Variants in FAM216A observed in about 807,000 individuals in gnomAD.
FAM216A encodes protein FAM216A.
In FAM216A, 26 loss-of-function variants were observed where a neutral mutation model predicts 37.6. The observed-to-expected ratio is 0.69, with a 90% CI of 0.51 to 0.96. The LOEUF (loss-of-function observed/expected upper bound fraction) is 0.96, where lower values mean the gene tolerates loss of function less well. FAM216A is among the 40% of genes least tolerant of loss of function. The probability of loss-of-function intolerance (pLI) is 0.00; values close to 1 mark genes in which losing one functional copy is unlikely to be tolerated. For missense variants in FAM216A, 326 were observed against 339.3 expected (o/e 0.96, Z 0.31); for synonymous variants, 110 against 121.7 (o/e 0.90, Z 0.64).
chr12:110,471,391 T>G (rs780295675), intron 1 of FAM216A, among the ~76,000 whole-genome samples: 3 of 152,148 alleles, frequency 2.0e-5, no homozygotes, highest in Non-Finnish European at 4.4e-5. Context: ...CCCAGCACTT[T>G]TTTTCTTTAA....
upstream of FAM216A, chr12:110,468,462 G>T: frequency 6.5e-7 from 1 of 1,537,028 alleles, no homozygotes; most frequent in Non-Finnish European, 8.7e-7. Flanking sequence ...TGCTGTCTAA[G>T]CTTGGATACC....
intron 3 of FAM216A, 75 bp from the exon 4 acceptor site, chr12:110,486,250 A>C: frequency 1.4e-6 from 2 of 1,422,378 alleles, no homozygotes; most frequent in East Asian, 4.6e-5. Flanking sequence ...TTGAACATTC[A>C]TCTCTTCAGA....
chr12:110,488,392 C>G (rs1477443399), intron 6 of FAM216A, among the ~76,000 whole-genome samples: 1 of 123,934 alleles, frequency 8.1e-6, no homozygotes, highest in East Asian at 2.3e-4. Context: ...GCCTGGGTGA[C>G]AGAGTGAGAC....
At chr12:110,484,220 G>C (rs1247601750) in intron 2 of FAM216A, among the ~76,000 whole-genome samples, 1 of 151,986 alleles carries the variant, frequency 6.6e-6, no homozygotes, top group Non-Finnish European at 1.5e-5. Context: ...GAGGTCAGGA[G>C]ATCGAGACCA....
chr12:110,479,243 A>G (rs377240056), intron 2 of FAM216A, among the ~76,000 whole-genome samples: 2 of 152,160 alleles, frequency 1.3e-5, no homozygotes, highest in East Asian at 3.9e-4. Context: ...GTGCTTATTT[A>G]TAATATACTT....
Position 110,468,922 on chromosome 12 carries a change from C to G in FAM216A, c.47C>G (p.Ala16Gly), listed in dbSNP as rs1328058613. ...LPHTARGLGA[A>G]EMPGQGPGSD... Reference sequence around the variant, plus strand: ...CACACGGCTCGCGGTCTCGGCGCCGCGGAGATGCCCGGCCAGGGTCCGGGG... The same window carrying G: ...CACACGGCTCGCGGTCTCGGCGCCGGGGAGATGCCCGGCCAGGGTCCGGGG... The change falls in exon 1 of 7, where the codon GCG becomes GGG. Residue 16 changes from alanine to glycine, a missense_variant. By Grantham distance (60) the Ala-to-Gly change is moderately conservative (BLOSUM62 0). Transcript: ENST00000377673. 2 of 1,522,994 alleles carry G rather than the reference C, an allele frequency of 1.3e-6. No individual in the cohort carries two copies. The highest frequency in any genetic ancestry group is 4.0e-5 in the Admixed American group (2 of 50,140). 94.3% of individuals were successfully genotyped at this position (1,522,994 alleles called of 1,614,324 possible).
chr12:110,473,736 T>C (rs1360557862), intron 2 of FAM216A, among the ~76,000 whole-genome samples: 2 of 152,120 alleles, frequency 1.3e-5, no homozygotes, highest in Admixed American at 1.3e-4. Flanking sequence ...AAGAAAAAAA[T>C]TCTAAATTGA....
chr12:110,488,410 C>CAAAA (rs572459416), intron 6 of FAM216A, among the ~76,000 whole-genome samples: 2 of 51,002 alleles, frequency 3.9e-5, no homozygotes, highest in Admixed American at 2.1e-4. Context: ...GACTCCATCT[C>CAAAA]AAAAAAAAAA....
In FAM216A at chr12:110,486,338, C is replaced by T; in HGVS notation, c.320C>T (p.Thr107Ile). ...TCTGTCTTTTAGCATCCAGACCTCA[C>T]CACAGGCCAGAAGCGTTACCTGTGC... ...EASFFKHPDL[T>I]TGQKRYLCSI... is the part of the protein sequence containing the mutation. The change falls in exon 4 of 7, where the codon ACC becomes ATC. Residue 107 changes from threonine to isoleucine, a missense_variant. Thr to Ile is a moderately conservative substitution (Grantham distance 89, BLOSUM62 -1). Transcript: ENST00000377673. The T allele has an allele frequency of 6.2e-7, 1 of 1,610,400 alleles. No homozygotes were observed.
chr12:110,481,355 TTTTTC>T (rs1314329573), intron 2 of FAM216A, among the ~76,000 whole-genome samples: 6 of 152,316 alleles, frequency 3.9e-5, no homozygotes, highest in Admixed American at 6.5e-5. Flanking sequence ...ACTATTTTTC[TTTTTC>T]TTTTGAGTCA....
intron 2 of FAM216A, among the ~76,000 whole-genome samples, chr12:110,480,547 C>T (rs2062741635): frequency 6.6e-6 from 1 of 151,424 alleles, no homozygotes; most frequent in African/African-American, 2.4e-5. Context: ...AACTCCTGGA[C>T]TCAAGTGATC....
At chr12:110,473,020 C>G in intron 1 of FAM216A, 58 bp from the exon 2 acceptor site, 7 of 449,016 alleles carry the variant, frequency 1.6e-5, no homozygotes, top group East Asian at 4.8e-5. Flanking sequence ...ATATGTTGTT[C>G]AGTGCTTGTA....
intron 6 of FAM216A, 36 bp from the exon 7 acceptor site, chr12:110,489,983 A>C: frequency 9.7e-7 from 1 of 1,035,634 alleles, no homozygotes; most frequent in South Asian, 1.3e-5. Context: ...CTTTATTTCC[A>C]AAACAGACAA....
chr12:110,477,375 C>T (rs1380917629), intron 2 of FAM216A, among the ~76,000 whole-genome samples: 1 of 152,130 alleles, frequency 6.6e-6, no homozygotes, highest in African/African-American at 2.4e-5. Flanking sequence ...TATTTTGAGA[C>T]GGAGTCTCGC....
chr12:110,475,440 C>A (rs1265992397), intron 2 of FAM216A, among the ~76,000 whole-genome samples: 4 of 152,068 alleles, frequency 2.6e-5, no homozygotes, highest in African/African-American at 9.7e-5. Context: ...CGGGGTTTCA[C>A]CATGTTGGCA....
At chr12:110,489,656 T>C (rs927286859) in intron 6 of FAM216A, among the ~76,000 whole-genome samples, 11 of 151,750 alleles carry the variant, frequency 7.2e-5, no homozygotes, top group African/African-American at 2.7e-4. Flanking sequence ...TAGCGGAAAC[T>C]GTAGGGGGGG....
intron 2 of FAM216A, among the ~76,000 whole-genome samples, chr12:110,483,110 G>C (rs2062757379): frequency 6.6e-6 from 1 of 152,020 alleles, no homozygotes; most frequent in South Asian, 2.1e-4. Context: ...CAGATCACGA[G>C]GTCAGGAGAT....
rs779380199 is a variant in FAM216A, at chr12:110,486,310, T to C, written c.307-15T>C. On this transcript the variant is annotated splice_polypyrimidine_tract_variant and intron_variant, in intron 3 of 6. Transcript: ENST00000377673. ...ATACAATGCAGACTATAAATCCTCT[T>C]ATTCTGTCTTTTAGCATCCAGACCT... 91 of 1,585,168 alleles carry C rather than the reference T, an allele frequency of 5.7e-5. No homozygotes were observed. Among genetic ancestry groups the C allele is most frequent in the Non-Finnish European group, 7.6e-5 (88 of 1,162,794 alleles).
chr12:110,489,659 A>AG (rs939119803), intron 6 of FAM216A, among the ~76,000 whole-genome samples: 43 of 151,392 alleles, frequency 2.8e-4, no homozygotes, highest in East Asian at 5.8e-4. Context: ...CGGAAACTGT[A>AG]GGGGGGGGAG....
Sources: gnomAD v4.1 joint callset for allele counts (sites outside exome capture counted in the v4.1 genomes callset) on GRCh38, gnomAD v4.1.1 for gene constraint, MANE v1.5 for transcripts, NCBI Gene and HGNC (gene_info 2026-07-23, HGNC 2026-07-21) for gene names.